ENTREP2: variants seen among roughly 807,000 people sequenced by gnomAD.
ENTREP2 encodes the protein endosomal transmembrane epsin interactor 2.
chr15:29,541,313 T>A, the ENTREP2 span, among the ~76,000 whole-genome samples: 2 of 152,220 alleles, frequency 1.3e-5, no homozygotes. Flanking sequence ...ACTGAGCACC[T>A]GCCGTAGGCC....
the ENTREP2 span, among the ~76,000 whole-genome samples, chr15:29,304,802 T>A: frequency 6.6e-6 from 1 of 152,158 alleles, no homozygotes; most frequent in Non-Finnish European, 1.5e-5. Flanking sequence ...GCCTCCTGGT[T>A]GCTCTTAGAA....
chr15:29,402,512 T>C, the ENTREP2 span, among the ~76,000 whole-genome samples: 13 of 152,252 alleles, frequency 8.5e-5, no homozygotes, highest in South Asian at 4.1e-4. Flanking sequence ...GGTTTCACTA[T>C]GTTGCCCAGG....
At chr15:29,360,561 T>C in the ENTREP2 span, among the ~76,000 whole-genome samples, 4 of 152,322 alleles carry the variant, frequency 2.6e-5, no homozygotes, top group East Asian at 3.9e-4. Context: ...GTGAATTAAA[T>C]TCCTCACATA....
chr15:29,575,687 G>A, the ENTREP2 span, among the ~76,000 whole-genome samples: 1 of 152,138 alleles, frequency 6.6e-6, no homozygotes, highest in Non-Finnish European at 1.5e-5. Flanking sequence ...TCAACACATA[G>A]AAGTTAGTTG....
chr15:29,415,584 T>C, the ENTREP2 span, among the ~76,000 whole-genome samples: 1 of 152,030 alleles, frequency 6.6e-6, no homozygotes, highest in Non-Finnish European at 1.5e-5. Flanking sequence ...CTTTGAAAAC[T>C]GGCATAAGAC....
the ENTREP2 span, among the ~76,000 whole-genome samples, chr15:29,541,919 C>T: frequency 1.3e-5 from 2 of 152,218 alleles, no homozygotes; most frequent in East Asian, 1.9e-4. Flanking sequence ...ATAAGCCTAT[C>T]TTTTACGCTT....
At chr15:29,273,029 T>C in the ENTREP2 span, among the ~76,000 whole-genome samples, 1 of 152,106 alleles carries the variant, frequency 6.6e-6, no homozygotes. Context: ...GATTTCTGTT[T>C]AGCTCTTAGG....
the ENTREP2 span, among the ~76,000 whole-genome samples, chr15:29,509,002 T>C: frequency 2.0e-5 from 3 of 152,068 alleles, no homozygotes; most frequent in Non-Finnish European, 1.5e-5. Flanking sequence ...TTAGAAAACC[T>C]CATCATCTCA....
At chr15:29,623,211 C>T in the ENTREP2 span, among the ~76,000 whole-genome samples, 8 of 152,282 alleles carry the variant, frequency 5.3e-5, no homozygotes, top group Non-Finnish European at 7.4e-5. Flanking sequence ...TGTTTCTCAA[C>T]GCTGAAACAC....
chr15:29,608,522 T>TTTATTATTATTA, the ENTREP2 span, among the ~76,000 whole-genome samples: 2,121 of 140,512 alleles, frequency 0.015, 29 homozygotes, highest in East Asian at 0.053. Context: ...TCCTGCCTTC[T>TTTATTATTATTA]TTATTATTAT....
the ENTREP2 span, among the ~76,000 whole-genome samples, chr15:29,361,763 T>C: frequency 6.6e-6 from 1 of 152,152 alleles, no homozygotes; most frequent in Non-Finnish European, 1.5e-5. Flanking sequence ...AAGGAACTGC[T>C]GACCAGGCAG....
At chr15:29,480,584 GAGTT>G in the ENTREP2 span, among the ~76,000 whole-genome samples, 1 of 152,068 alleles carries the variant, frequency 6.6e-6, no homozygotes, top group Non-Finnish European at 1.5e-5. Context: ...AACATGCAGA[GAGTT>G]AGGCAGGGCA....
the ENTREP2 span, among the ~76,000 whole-genome samples, chr15:29,441,622 T>C: frequency 6.6e-6 from 1 of 152,216 alleles, no homozygotes; most frequent in Non-Finnish European, 1.5e-5. Context: ...TATATGCATA[T>C]AGACGATATT....
the ENTREP2 span, among the ~76,000 whole-genome samples, chr15:29,466,474 G>T: frequency 6.7e-6 from 1 of 149,702 alleles, no homozygotes; most frequent in Non-Finnish European, 1.5e-5. Flanking sequence ...ATGGCCCCAG[G>T]GGAGGGTCCA....
At chr15:29,240,023 C>A in the ENTREP2 span, among the ~76,000 whole-genome samples, 1 of 152,190 alleles carries the variant, frequency 6.6e-6, no homozygotes, top group African/African-American at 2.4e-5. Context: ...AGTAAAAGTC[C>A]TATGTGCTAT....
the ENTREP2 span, among the ~76,000 whole-genome samples, chr15:29,222,985 T>C: frequency 1.3e-5 from 2 of 152,196 alleles, no homozygotes; most frequent in African/African-American, 2.4e-5. Flanking sequence ...GTCGTGTGTT[T>C]CCAGGCAAAA....
the ENTREP2 span, among the ~76,000 whole-genome samples, chr15:29,632,108 G>C: frequency 0.013 from 2,034 of 152,282 alleles, 46 homozygotes; most frequent in African/African-American, 0.046. Flanking sequence ...GTGCCTTATG[G>C]TGGTTCTGGA....
At chr15:29,397,925 T>C in the ENTREP2 span, among the ~76,000 whole-genome samples, 2 of 152,096 alleles carry the variant, frequency 1.3e-5, no homozygotes, top group East Asian at 1.9e-4. Context: ...ACATTGTTTT[T>C]ATTTTATTTT....
the ENTREP2 span, among the ~76,000 whole-genome samples, chr15:29,356,564 C>T: frequency 6.6e-6 from 1 of 151,680 alleles, no homozygotes; most frequent in Admixed American, 6.6e-5. Flanking sequence ...CTCGGCCTCC[C>T]AAAGTGCTGA....
Sources: gnomAD v4.1 joint callset for allele counts (sites outside exome capture counted in the v4.1 genomes callset) on GRCh38, gnomAD v4.1.1 for gene constraint, MANE v1.5 for transcripts, NCBI Gene and HGNC (gene_info 2026-07-23, HGNC 2026-07-21) for gene names.